POLQ: variants seen among roughly 807,000 people sequenced by gnomAD.
POLQ encodes the protein DNA polymerase theta, also known as epididymis secretory sperm binding protein.
POLQ carries 233 observed loss-of-function variants against 259.2 expected under a neutral mutation model. The observed-to-expected ratio is 0.90, with a 90% CI of 0.81 to 1.00. The LOEUF is 1.00. POLQ is among the 50% of genes least tolerant of loss of function. The pLI, the probability that POLQ is intolerant of heterozygous loss-of-function variation, is 0.00. For synonymous variants in POLQ, 1,025 were observed against 1,048.8 expected (o/e 0.98, Z 0.44); for missense variants, 2,871 against 3,051.6 (o/e 0.94, Z 1.39).
intron 9 of POLQ, among the ~76,000 whole-genome samples, chr3:121,518,438 G>A (rs769179489): frequency 6.6e-6 from 1 of 152,152 alleles, no homozygotes; most frequent in Non-Finnish European, 1.5e-5. Context: ...GCTTTGGCTT[G>A]TTCAACCACA....
intron 12 of POLQ, among the ~76,000 whole-genome samples, chr3:121,501,329 C>T (rs1463491346): frequency 1.3e-5 from 2 of 151,634 alleles, no homozygotes; most frequent in Admixed American, 1.3e-4. Context: ...TCCAGATAAA[C>T]AAAACCCGAG....
intron 2 of POLQ, among the ~76,000 whole-genome samples, chr3:121,543,866 C>T (rs935354995): frequency 2.8e-4 from 42 of 151,746 alleles, no homozygotes. Flanking sequence ...ATCTGTAATC[C>T]TAGGTACTCA....
chr3:121,511,482 CA>C (rs1332340539), intron 10 of POLQ, among the ~76,000 whole-genome samples: 2 of 151,502 alleles, frequency 1.3e-5, no homozygotes, highest in Non-Finnish European at 2.9e-5. Context: ...AAAAACAAAA[CA>C]AAAAAAACAT....
chr3:121,452,719 A>C (rs999085891), intron 25 of POLQ, among the ~76,000 whole-genome samples: 4 of 152,192 alleles, frequency 2.6e-5, no homozygotes, highest in African/African-American at 9.6e-5. Flanking sequence ...TTGCTTAGGT[A>C]AACAAAGCAG....
At chr3:121,452,843 T>C (rs868088119) in intron 25 of POLQ, among the ~76,000 whole-genome samples, 1 of 152,336 alleles carries the variant, frequency 6.6e-6, no homozygotes, top group African/African-American at 2.4e-5. Context: ...CAGTAACCTC[T>C]GCAGACTTAA....
chr3:121,449,283 T>C (rs770155076), intron 26 of POLQ, 32 bp downstream of exon 26: 3 of 1,074,188 alleles, frequency 2.8e-6, no homozygotes. Context: ...GGTAAGATGG[T>C]TGAAAAGAAT....
chr3:121,467,474 C>T (rs2047847598), intron 24 of POLQ, 45 bp downstream of exon 24: 1 of 1,594,012 alleles, frequency 6.3e-7, no homozygotes. Context: ...CTTTGAAAAA[C>T]ATTCTCACAG....
intron 26 of POLQ, among the ~76,000 whole-genome samples, chr3:121,441,352 T>C (rs2047590956): frequency 6.6e-6 from 1 of 152,194 alleles, no homozygotes; most frequent in Admixed American, 6.5e-5. Flanking sequence ...CTGCAGCTAC[T>C]ACTACAAGAT....
At chr3:121,443,098 C>T (rs186674540) in intron 26 of POLQ, among the ~76,000 whole-genome samples, 2 of 152,252 alleles carry the variant, frequency 1.3e-5, no homozygotes, top group Non-Finnish European at 2.9e-5. Flanking sequence ...CCTTGTGATC[C>T]ACCCGCCTCA....
chr3:121,483,574 C>T lies in POLQ; in HGVS notation c.5782G>A (p.Ala1928Thr). 2.0e-6 allele frequency: 3 copies of T among 1,470,592 alleles called. No individual in the cohort carries two copies. Among genetic ancestry groups the T allele is most frequent in the South Asian group, 2.9e-5 (2 of 68,204 alleles). The allele number at this position is 1,470,592 out of a possible 1,614,324, so 91.1% of individuals were successfully genotyped here. A position where few individuals can be genotyped will look rare whatever the true frequency, so the allele number is the denominator to read the frequency against. Reference sequence around the variant, plus strand: ...TCTAAAGAAGGTGGAACCAAACTGGCACTAATTTCTTTAAAAAAAAAAAAA... The same window carrying T: ...TCTAAAGAAGGTGGAACCAAACTGGTACTAATTTCTTTAAAAAAAAAAAAA... The part of the protein sequence containing the change: ...QKEQKHSEIS[A>T]SLVPPSLDPS... Residue 1928 changes from alanine (A) to threonine (T), a missense_variant, in exon 18 of 30, where the codon GCC (alanine) becomes ACC (threonine). This residue lies in a region of POLQ where 2,080 missense variants were observed against 2,126.0 expected (regional missense o/e 0.98). Transcript: ENST00000264233.
At chr3:121,456,306 C>A (rs1160529710) in intron 25 of POLQ, among the ~76,000 whole-genome samples, 1 of 151,968 alleles carries the variant, frequency 6.6e-6, no homozygotes, top group Admixed American at 6.6e-5. Context: ...GGAAGCATTC[C>A]CTGTGAAAAC....
intron 14 of POLQ, among the ~76,000 whole-genome samples, chr3:121,496,568 T>A (rs1459589918): frequency 6.6e-6 from 1 of 152,062 alleles, no homozygotes. Flanking sequence ...GAAAGGAGGA[T>A]AGTCAGCAGG....
chr3:121,486,252 T>C (rs1404128894), intron 16 of POLQ, among the ~76,000 whole-genome samples: 2 of 152,160 alleles, frequency 1.3e-5, no homozygotes, highest in African/African-American at 4.8e-5. Flanking sequence ...TACAATTTAA[T>C]AGAAAATAAT....
chr3:121,458,809 G>A (rs928347749), intron 25 of POLQ, among the ~76,000 whole-genome samples: 4 of 152,098 alleles, frequency 2.6e-5, no homozygotes, highest in Non-Finnish European at 5.9e-5. Flanking sequence ...CCAGCACTTC[G>A]GGAGGCCAAG....
intron 25 of POLQ, among the ~76,000 whole-genome samples, chr3:121,454,924 T>C (rs1329312701): frequency 6.6e-6 from 1 of 152,184 alleles, no homozygotes; most frequent in African/African-American, 2.4e-5. Context: ...ATCAATAGAA[T>C]ATACATTTTT....
intron 7 of POLQ, among the ~76,000 whole-genome samples, chr3:121,526,378 G>A (rs2048373863): frequency 6.6e-6 from 1 of 152,120 alleles, no homozygotes; most frequent in Non-Finnish European, 1.5e-5. Flanking sequence ...CTGTTTTATA[G>A]ACATGAGTAG....
At chr3:121,471,652 G>C (rs572593070) in intron 22 of POLQ, among the ~76,000 whole-genome samples, 3 of 152,204 alleles carry the variant, frequency 2.0e-5, no homozygotes, top group Non-Finnish European at 4.4e-5. Context: ...TGAGGCAGGA[G>C]AATCACTTGA....
intron 12 of POLQ, among the ~76,000 whole-genome samples, chr3:121,505,537 T>C (rs746648770): frequency 3.3e-5 from 5 of 151,968 alleles, no homozygotes; most frequent in Non-Finnish European, 7.4e-5. Flanking sequence ...CAATGACAAA[T>C]GGAATTAGAA....
At chr3:121,472,962 G>A (rs974639101) in intron 21 of POLQ, among the ~76,000 whole-genome samples, 1 of 152,212 alleles carries the variant, frequency 6.6e-6, no homozygotes, top group Non-Finnish European at 1.5e-5. Flanking sequence ...AGTGGCTCAT[G>A]CCTGTAATCC....
Sources: gnomAD v4.1 joint callset for allele counts (sites outside exome capture counted in the v4.1 genomes callset) on GRCh38, gnomAD v4.1.1 for gene constraint, gnomAD v4.1.1 regional missense constraint, MANE v1.5 for transcripts, NCBI Gene and HGNC (gene_info 2026-07-23, HGNC 2026-07-21) for gene names.